The following COLQ variants were observed in gnomAD, a reference collection of about 807,000 sequenced individuals.
The protein encoded by COLQ is collagen like tail subunit of asymmetric acetylcholinesterase.
A neutral mutation model predicts 69.0 loss-of-function variants in COLQ; 48 were observed. That is an observed-to-expected ratio of 0.70 (90% confidence interval 0.55 to 0.88). The LOEUF (loss-of-function observed/expected upper bound fraction) is 0.88. Ranked by LOEUF, COLQ falls within the 40% of genes least tolerant of loss-of-function variation. The probability of loss-of-function intolerance (pLI) is 0.00; values close to 1 mark genes in which losing one functional copy is unlikely to be tolerated. For synonymous variants in COLQ, 217 were observed against 211.2 expected, an observed-to-expected ratio of 1.03 and a Z score of -0.24; for missense variants, 618 against 594.6, an observed-to-expected ratio of 1.04 and a Z score of -0.41.
At chr3:15,469,459 T>C (rs549865880) in intron 11 of COLQ, among the ~76,000 whole-genome samples, 28 of 152,356 alleles carry the variant, frequency 1.8e-4, no homozygotes, top group African/African-American at 6.0e-4. Context: ...TGTGGCATCA[T>C]TGTGAAACCA....
intron 1 of COLQ, among the ~76,000 whole-genome samples, chr3:15,503,207 G>A (rs1409552033): frequency 6.6e-6 from 1 of 152,202 alleles, no homozygotes; most frequent in Non-Finnish European, 1.5e-5. Flanking sequence ...CTAACTCCCA[G>A]CCACTGACTT....
intron 15 of COLQ, among the ~76,000 whole-genome samples, chr3:15,454,597 C>T (rs1354932815): frequency 6.8e-6 from 1 of 147,594 alleles, no homozygotes; most frequent in African/African-American, 2.7e-5. Context: ...CACACTGAGA[C>T]AGTCAGCAGC....
intron 1 of COLQ, chr3:15,499,020 A>C (rs1575490309): frequency 3.2e-6 from 3 of 938,134 alleles, no homozygotes; most frequent in Admixed American, 6.4e-5. Flanking sequence ...CTCAAAGTCA[A>C]CCCCCCACCG....
chr3:15,505,133 C>T (rs931953928), intron 1 of COLQ, among the ~76,000 whole-genome samples: 2 of 152,216 alleles, frequency 1.3e-5, no homozygotes, highest in African/African-American at 4.8e-5. Flanking sequence ...CAGCCCAACT[C>T]CCTTGTTGGC....
intron 15 of COLQ, among the ~76,000 whole-genome samples, chr3:15,455,046 C>A (rs59806775): frequency 0.022 from 3,377 of 152,254 alleles, 102 homozygotes; most frequent in African/African-American, 0.073. Flanking sequence ...ATCTTTAGAG[C>A]AGGGGCTTAA....
At position 15,487,565 on chromosome 3, in the gene COLQ, C is replaced by A. The variant is rs117054506; in HGVS notation, c.321+641G>T. On this transcript the variant is annotated intron_variant, in intron 3 of 16. Transcript: ENST00000383788. ...ACTTGGGAACTAACTGCTCCTTACA[C>A]CCTCTTTCTCCTCCCCATGGAAGGC... is the stretch of plus-strand genomic sequence containing the variant. Among the ~76,000 whole-genome samples the A allele has an allele frequency of 1.5e-3, 236 of 152,360 alleles. 6 individuals carry two copies. In the East Asian group the frequency reaches 0.036, roughly 23 times the overall value.
intron 1 of COLQ, among the ~76,000 whole-genome samples, chr3:15,495,804 G>A (rs1409353362): frequency 6.6e-6 from 1 of 152,208 alleles, no homozygotes; most frequent in East Asian, 1.9e-4. Flanking sequence ...TTCCTAGAGT[G>A]TTGAGTCGCT....
intron 10 of COLQ, among the ~76,000 whole-genome samples, chr3:15,471,905 C>T (rs1409572066): frequency 6.6e-6 from 1 of 151,886 alleles, no homozygotes; most frequent in East Asian, 1.9e-4. Flanking sequence ...CAGTTTTTCC[C>T]TGGCTGTTTT....
intron 3 of COLQ, among the ~76,000 whole-genome samples, chr3:15,482,725 A>C (rs1426516230): frequency 2.6e-5 from 4 of 152,236 alleles, no homozygotes; most frequent in African/African-American, 7.2e-5. Context: ...CTGGCCTCAT[A>C]AAATGAGTTA....
At chr3:15,515,677 G>C (rs1432608835) in intron 1 of COLQ, among the ~76,000 whole-genome samples, 1 of 152,054 alleles carries the variant, frequency 6.6e-6, no homozygotes, top group Non-Finnish European at 1.5e-5. Flanking sequence ...GTGGTGGTGG[G>C]AGCCTGTAAT....
At chr3:15,453,678 G>A (rs116629575) in intron 16 of COLQ, 151 bp downstream of exon 16, 100 of 673,330 alleles carry the variant, frequency 1.5e-4, no homozygotes, top group African/African-American at 1.1e-3. Context: ...TAGGCAGGGA[G>A]CACGTGTTGT....
chr3:15,458,418 G>A, intron 12 of COLQ, 93 bp from the exon 13 acceptor site: 1 of 1,424,866 alleles, frequency 7.0e-7, no homozygotes. Context: ...CAGAAAAAAG[G>A]TTAAAGTCCA....
At chr3:15,472,465 TG>T (rs1215286980) in intron 10 of COLQ, among the ~76,000 whole-genome samples, 1 of 152,238 alleles carries the variant, frequency 6.6e-6, no homozygotes, top group Non-Finnish European at 1.5e-5. Context: ...TGTTTTAGTT[TG>T]GTAAATAAAA....
At chr3:15,508,532 T>C (rs1391294006) in intron 1 of COLQ, among the ~76,000 whole-genome samples, 1 of 152,220 alleles carries the variant, frequency 6.6e-6, no homozygotes, top group Admixed American at 6.5e-5. Context: ...GGTCATTTGA[T>C]TGAGGGGAAG....
chr3:15,463,320 GT>G (rs1359402311), intron 12 of COLQ, among the ~76,000 whole-genome samples: 2 of 149,592 alleles, frequency 1.3e-5, no homozygotes, highest in African/African-American at 4.9e-5. Context: ...TTTTGGTTTT[GT>G]TTTTTTTTGT....
At position 15,475,479 on chromosome 3, in the gene COLQ, T is replaced by C. The variant is rs770038933; in HGVS notation, c.474A>G (p.Lys158=). The part of the protein sequence containing the change: ...WPGPEGPRGE[K]GDLGMMGLPG... The stretch of plus-strand genomic sequence containing the variant: ...GCAAGCCCATCATACCCAGGTCACC[T>C]TTTTCACCCTGTGGGAATTAGAAGA... The change falls in exon 7 of 17, where the codon AAA becomes AAG. Residue 158 remains lysine, a synonymous_variant. Coordinates refer to ENST00000383788, the MANE Select transcript of COLQ (RefSeq NM_005677.4). The C allele has an allele frequency of 3.1e-6, 5 of 1,594,644 alleles. No individual in the cohort carries two copies. The South Asian group carries it at 5.7e-5, about 18-fold the overall frequency.
intron 3 of COLQ, among the ~76,000 whole-genome samples, chr3:15,480,324 CT>C (rs1203087764): frequency 6.6e-6 from 1 of 151,940 alleles, no homozygotes; most frequent in African/African-American, 2.4e-5. Context: ...AATGCTATCC[CT>C]CCCCACTCCC....
At chr3:15,470,677 A>G (rs1487671478) in intron 10 of COLQ, 61 bp from the exon 11 acceptor site, 1 of 1,475,108 alleles carries the variant, frequency 6.8e-7, no homozygotes, top group African/African-American at 1.4e-5. Flanking sequence ...GCACATCTAC[A>G]CAGGTCTAGC....
chr3:15,501,466 T>C (rs2062829948), intron 1 of COLQ, among the ~76,000 whole-genome samples: 1 of 152,214 alleles, frequency 6.6e-6, no homozygotes, highest in African/African-American at 2.4e-5. Flanking sequence ...GACATCTACC[T>C]GTTTGGGGCA....
Sources: allele counts gnomAD v4.1 joint callset (sites outside exome capture counted in the v4.1 genomes callset), GRCh38; gene constraint gnomAD v4.1.1; transcripts MANE v1.5; gene names NCBI Gene and HGNC (gene_info 2026-07-23, HGNC 2026-07-21).